DCLK2: variants seen among roughly 807,000 people sequenced by gnomAD.
DCLK2 encodes the protein doublecortin like kinase 2.
A neutral mutation model predicts 78.4 loss-of-function variants in DCLK2; 31 were observed. That is an observed-to-expected ratio of 0.40 (90% CI 0.30 to 0.53). The LOEUF is 0.53. DCLK2 is among the 20% of genes least tolerant of loss of function. DCLK2 has a pLI of 0.61. For synonymous variants in DCLK2, 407 were observed against 374.9 expected (o/e 1.09, Z -0.99); for missense variants, 872 against 973.7 (o/e 0.90, Z 1.39).
chr4:150,194,419 A>G (rs1226703980), intron 3 of DCLK2, among the ~76,000 whole-genome samples: 2 of 152,148 alleles, frequency 1.3e-5, no homozygotes, highest in Admixed American at 6.6e-5. Context: ...ACATATGACT[A>G]TATTTAGAAA....
chr4:150,152,431 A>G (rs569188671), intron 2 of DCLK2, among the ~76,000 whole-genome samples: 1 of 152,216 alleles, frequency 6.6e-6, no homozygotes, highest in African/African-American at 2.4e-5. Context: ...ACAGGTGCCC[A>G]CCACCACACC....
chr4:150,254,182 G>A (rs986722310), intron 15 of DCLK2, among the ~76,000 whole-genome samples: 3 of 152,346 alleles, frequency 2.0e-5, no homozygotes, highest in South Asian at 4.1e-4. Flanking sequence ...AGAAGCCGCC[G>A]TCACTCGGCG....
At chr4:150,180,781 C>G (rs757010239) in intron 2 of DCLK2, among the ~76,000 whole-genome samples, 1 of 152,126 alleles carries the variant, frequency 6.6e-6, no homozygotes, top group Admixed American at 6.6e-5. Context: ...CAAGGTGGGT[C>G]GTAGAAACCA....
At chr4:150,196,057 G>A (rs977388736) in intron 3 of DCLK2, among the ~76,000 whole-genome samples, 22 of 151,990 alleles carry the variant, frequency 1.4e-4, no homozygotes, top group African/African-American at 5.1e-4. Context: ...TTTATTAGGA[G>A]GCAAATTTTT....
At chr4:150,227,622 G>A (rs773435470) in intron 8 of DCLK2, among the ~76,000 whole-genome samples, 2 of 152,178 alleles carry the variant, frequency 1.3e-5, no homozygotes, top group African/African-American at 4.8e-5. Flanking sequence ...GAGCTGCGTT[G>A]GGGCCAGATT....
chr4:150,198,153 C>T, intron 4 of DCLK2, 50 bp downstream of exon 4: 3 of 1,499,026 alleles, frequency 2.0e-6, no homozygotes, highest in Non-Finnish European at 2.7e-6. Flanking sequence ...AGATCATTTT[C>T]CTTCTGTTTT....
intron 1 of DCLK2, 95 bp from the exon 2 acceptor site, chr4:150,102,383 G>A (rs1009278027): frequency 1.7e-6 from 2 of 1,195,894 alleles, no homozygotes; most frequent in African/African-American, 1.5e-5. Flanking sequence ...CTAAGGTTAA[G>A]GGTTCACTTA....
intron 7 of DCLK2, among the ~76,000 whole-genome samples, chr4:150,224,013 C>T (rs1741403852): frequency 6.6e-6 from 1 of 151,940 alleles, no homozygotes; most frequent in Non-Finnish European, 1.5e-5. Flanking sequence ...TATTCTGTCT[C>T]CTAAGAGAAC....
chr4:150,088,055 T>C (rs1026349228), intron 1 of DCLK2, among the ~76,000 whole-genome samples: 1 of 152,172 alleles, frequency 6.6e-6, no homozygotes, highest in African/African-American at 2.4e-5. Flanking sequence ...TATTGTTTTC[T>C]GAGCCCCAAC....
chr4:150,239,806 T>C lies in DCLK2; in HGVS notation c.1631T>C (p.Val544Ala). The part of the protein sequence containing the change: ...KLGDFGLATV[V>A]EGPLYTVCGT... ...GGAGACTTTGGGCTTGCGACTGTGGTAGAAGGCCCTTTATACACAGTCTGT... is the reference window on the plus strand; with the variant it reads ...GGAGACTTTGGGCTTGCGACTGTGGCAGAAGGCCCTTTATACACAGTCTGT... Residue 544 changes from valine (V) to alanine (A), a missense_variant, in exon 11 of 16, where the codon GTA becomes GCA. This residue lies in a region of DCLK2 where 86 missense variants were observed against 150.3 expected (regional missense o/e 0.57). Transcript: ENST00000296550. 1 of 1,614,208 alleles carries C rather than the reference T, an allele frequency of 6.2e-7. No individual in the cohort carries two copies. Among genetic ancestry groups the C allele is most frequent in the Non-Finnish European group, 8.5e-7 (1 of 1,180,032 alleles).
In DCLK2 at chr4:150,181,167, A is replaced by T. The variant is rs185538687; in HGVS notation, c.757-11971A>T. Among the ~76,000 whole-genome samples the T allele has an allele frequency of 3.0e-3, 459 of 152,304 alleles. 3 individuals are homozygous for T. Among genetic ancestry groups the T allele is most frequent in the Non-Finnish European group, 4.5e-3 (308 of 68,022 alleles). On this transcript the variant is annotated intron_variant, in intron 2 of 15. Transcript: ENST00000296550. ...GGGCTTGTCATGTAAAAAAATTTTTAAAAATTTAATAAATTTGTTATGCTT... is the reference window on the plus strand; with the variant it reads ...GGGCTTGTCATGTAAAAAAATTTTTTAAAATTTAATAAATTTGTTATGCTT...
At chr4:150,147,071 CCCAGGAGTT>C (rs1425643068) in intron 2 of DCLK2, among the ~76,000 whole-genome samples, 1 of 151,896 alleles carries the variant, frequency 6.6e-6, no homozygotes, top group Non-Finnish European at 1.5e-5. Context: ...ATTGCTTAAG[CCCAGGAGTT>C]CCAGACCAGT....
chr4:150,254,271 G>A (rs1311571990), intron 15 of DCLK2, among the ~76,000 whole-genome samples: 1 of 152,212 alleles, frequency 6.6e-6, no homozygotes, highest in Non-Finnish European at 1.5e-5. Context: ...GTTTCAGGGG[G>A]AAGTTGGGGA....
chr4:150,107,494 A>C (rs1424373425), intron 2 of DCLK2, among the ~76,000 whole-genome samples: 1 of 150,066 alleles, frequency 6.7e-6, no homozygotes, highest in African/African-American at 2.5e-5. Context: ...CTCCCACTTC[A>C]AGTTCCTGAG....
chr4:150,107,910 G>T (rs62339915), intron 2 of DCLK2, among the ~76,000 whole-genome samples: 27,197 of 151,990 alleles, frequency 0.18, 2,586 homozygotes, highest in Admixed American at 0.22. Flanking sequence ...GTTCGAGGCT[G>T]CAGTGAGCTA....
At chr4:150,223,831 T>C (rs1741386207) in intron 7 of DCLK2, among the ~76,000 whole-genome samples, 1 of 152,112 alleles carries the variant, frequency 6.6e-6, no homozygotes, top group Non-Finnish European at 1.5e-5. Context: ...GAAAGAACAT[T>C]TAAAGATGTG....
intron 1 of DCLK2, among the ~76,000 whole-genome samples, chr4:150,087,513 A>C (rs891223889): frequency 6.6e-6 from 1 of 152,254 alleles, no homozygotes; most frequent in African/African-American, 2.4e-5. Flanking sequence ...AAAGGCACGC[A>C]AATTTATTTA....
At chr4:150,109,335 CT>C (rs199549302) in intron 2 of DCLK2, among the ~76,000 whole-genome samples, 5,435 of 143,616 alleles carry the variant, frequency 0.038, 175 homozygotes, top group Admixed American at 0.086. Context: ...ATGCATTTCC[CT>C]TTTTTTTTTT....
chr4:150,171,577 A>G (rs1459428042), intron 2 of DCLK2, among the ~76,000 whole-genome samples: 1 of 152,222 alleles, frequency 6.6e-6, no homozygotes, highest in African/African-American at 2.4e-5. Flanking sequence ...AATTCAGCAT[A>G]TTTAATGCAG....
Sources: allele counts gnomAD v4.1 joint callset (sites outside exome capture counted in the v4.1 genomes callset), GRCh38; gene constraint gnomAD v4.1.1; regional missense constraint gnomAD v4.1.1; transcripts MANE v1.5; gene names NCBI Gene and HGNC (gene_info 2026-07-23, HGNC 2026-07-21).